The following ATP2C1 variants were observed in gnomAD, a reference collection of about 807,000 sequenced individuals.
ATP2C1 encodes calcium-transporting ATPase type 2C member 1.
In ATP2C1, 31 loss-of-function variants were observed where a neutral mutation model predicts 120.5. That is an observed-to-expected ratio of 0.26 (90% CI 0.19 to 0.35). The LOEUF (loss-of-function observed/expected upper bound fraction) is 0.35. Among genes scored for constraint, ATP2C1 ranks in the 10% least tolerant of loss-of-function variants. The pLI is 1.00. For missense variants in ATP2C1, 731 were observed against 1,107.5 expected (o/e 0.66, Z 4.83); for synonymous variants, 351 against 358.7 (o/e 0.98, Z 0.24).
rs544346771 is a variant in ATP2C1 at position 130,976,571 on chromosome 3, A to G, written c.1570+1083A>G. On this transcript the variant is annotated intron_variant, in intron 18 of 27. Coordinates refer to ENST00000510168, the MANE Select transcript of ATP2C1 (RefSeq NM_001378687.1). ...CAAATGGATATTTTGGATGGAAAAA[A>G]ATTTAAAGGAAAACAACTTTTCCTT... Among the ~76,000 whole-genome samples, 48 of 152,256 alleles carry G rather than the reference A, an allele frequency of 3.2e-4. 1 individual carries two copies. Among genetic ancestry groups the G allele is most frequent in the African/African-American group, 1.1e-3 (46 of 41,544 alleles).
intron 26 of ATP2C1, among the ~76,000 whole-genome samples, chr3:131,011,849 G>T (rs2063327447): frequency 1.3e-5 from 2 of 152,286 alleles, no homozygotes; most frequent in South Asian, 2.1e-4. Context: ...TCTGCAGGGG[G>T]TTCAGGTGCT....
chr3:130,932,434 A>T (rs1387497020), intron 4 of ATP2C1, among the ~76,000 whole-genome samples: 1 of 152,088 alleles, frequency 6.6e-6, no homozygotes, highest in Non-Finnish European at 1.5e-5. Flanking sequence ...TAGGACTGGC[A>T]ATATTTTTTA....
At chr3:130,957,291 A>G (rs1377165982) in intron 11 of ATP2C1, among the ~76,000 whole-genome samples, 1 of 151,712 alleles carries the variant, frequency 6.6e-6, no homozygotes, top group Non-Finnish European at 1.5e-5. Flanking sequence ...TTATTAAAAC[A>G]TTGTTGTATA....
intron 2 of ATP2C1, among the ~76,000 whole-genome samples, chr3:130,919,364 A>C (rs936346107): frequency 2.0e-5 from 3 of 151,790 alleles, no homozygotes; most frequent in Non-Finnish European, 4.4e-5. Context: ...AGTTGGGATT[A>C]TAGACGCCCA....
intron 26 of ATP2C1, chr3:131,016,026 A>C: frequency 8.3e-7 from 1 of 1,202,468 alleles, no homozygotes; most frequent in East Asian, 2.6e-5. Context: ...CATTAAGATT[A>C]GTTTTTTTTT....
At chr3:130,900,860 T>C (rs1410382190) in intron 2 of ATP2C1, among the ~76,000 whole-genome samples, 1 of 152,212 alleles carries the variant, frequency 6.6e-6, no homozygotes, top group Non-Finnish European at 1.5e-5. Context: ...TTTATTTGTA[T>C]ATGTTATATA....
chr3:131,013,805 C>A, intron 26 of ATP2C1: 1 of 356,540 alleles, frequency 2.8e-6, no homozygotes, highest in South Asian at 5.6e-5. Flanking sequence ...GACTATATTA[C>A]CATTAACTTG....
intron 10 of ATP2C1, among the ~76,000 whole-genome samples, chr3:130,955,425 T>G (rs2060537808): frequency 1.3e-5 from 2 of 152,230 alleles, no homozygotes; most frequent in African/African-American, 4.8e-5. Flanking sequence ...TTCTATCAAA[T>G]TTTTTCAACT....
At position 130,926,079 on chromosome 3, in the gene ATP2C1, C is replaced by T. The variant is rs149779826; in HGVS notation, c.7-4337C>T. Among the ~76,000 whole-genome samples, 1,329 of 152,286 alleles carry T rather than the reference C, an allele frequency of 8.7e-3. 14 individuals carry two copies. The highest frequency in any genetic ancestry group is 0.027 in the Middle Eastern group (8 of 292). On this transcript the variant is annotated intron_variant, in intron 2 of 27. Coordinates refer to ENST00000510168, the MANE Select transcript of ATP2C1 (RefSeq NM_001378687.1). ...TCCCCCTTGAGAAAGCAAATGGACT[C>T]ATAGTTTTTAGGCCTCCCAGAGAAC... is the stretch of plus-strand genomic sequence containing the variant.
intron 1 of ATP2C1, chr3:130,868,129 C>T (rs1280722071): frequency 4.9e-5 from 7 of 143,126 alleles, no homozygotes; most frequent in Non-Finnish European, 1.1e-4. Flanking sequence ...TGGGGGGGCT[C>T]AGCCCCCCGC....
chr3:130,929,730 A>G (rs983902451), intron 2 of ATP2C1: 8 of 154,102 alleles, frequency 5.2e-5, no homozygotes, highest in African/African-American at 1.9e-4. Flanking sequence ...TGTGTTAAAC[A>G]GTTTTCTGTA....
At chr3:130,917,706 A>G (rs902033964) in intron 2 of ATP2C1, among the ~76,000 whole-genome samples, 1 of 152,220 alleles carries the variant, frequency 6.6e-6, no homozygotes, top group Admixed American at 6.5e-5. Flanking sequence ...TAAAGTATAC[A>G]TTATTGTTGG....
downstream of ATP2C1, among the ~76,000 whole-genome samples, chr3:131,004,259 C>G (rs1399332439): frequency 6.6e-6 from 1 of 152,234 alleles, no homozygotes; most frequent in Non-Finnish European, 1.5e-5. Context: ...CTCCTGCAAT[C>G]CAAACAGCAG....
Position 130,930,419 on chromosome 3 carries a change from G to A in ATP2C1, c.10G>A (p.Ala4Thr). ...TTTCTTTGGTTTTACTTCCTAGGTTGCACGTTTTCAAAAAATACCTAATGG... is the reference window on the plus strand; with the variant it reads ...TTTCTTTGGTTTTACTTCCTAGGTTACACGTTTTCAAAAAATACCTAATGG... MKV[A>T]RFQKIPNGEN... The change falls in exon 3 of 28, where the codon GCA becomes ACA. Residue 4 changes from alanine (A) to threonine (T), a missense_variant. Ala to Thr is a moderately conservative substitution (Grantham distance 58). Transcript: ENST00000510168. The A allele has an allele frequency of 6.3e-7, 1 of 1,597,716 alleles. No homozygotes were observed.
Position 130,930,509 on chromosome 3 carries a change from G to A in ATP2C1, c.100G>A (p.Val34Ile). The A allele has an allele frequency of 6.2e-7, 1 of 1,609,790 alleles. No individual in the cohort carries two copies. ...KKASELPVSE[V>I]ASILQADLQN... ...AGCAAGTGAATTACCAGTCAGTGAA[G>A]TTGCAAGCATTCTCCAAGTAAGTGG... is the stretch of plus-strand genomic sequence containing the variant. Residue 34 changes from valine (V) to isoleucine (I), a missense_variant, in exon 3 of 28, where the codon GTT becomes ATT. This residue lies in a region of ATP2C1 where 571 missense variants were observed against 845.9 expected (regional missense o/e 0.67). Transcript: ENST00000510168.
intron 18 of ATP2C1, among the ~76,000 whole-genome samples, chr3:130,978,999 C>T (rs2061642453): frequency 6.6e-6 from 1 of 152,106 alleles, no homozygotes; most frequent in Non-Finnish European, 1.5e-5. Flanking sequence ...CATTTTCTGT[C>T]TCTTGCCTAC....
At chr3:130,881,623 A>G (rs1436026946) in intron 1 of ATP2C1, among the ~76,000 whole-genome samples, 2 of 152,232 alleles carry the variant, frequency 1.3e-5, no homozygotes, top group Non-Finnish European at 2.9e-5. Context: ...TAGAGATTGC[A>G]TTCAATCAGT....
intron 1 of ATP2C1, among the ~76,000 whole-genome samples, chr3:130,872,479 A>G (rs1321113116): frequency 6.6e-6 from 1 of 152,072 alleles, no homozygotes; most frequent in Non-Finnish European, 1.5e-5. Context: ...TAAAATGCCT[A>G]TCTGTGATTA....
chr3:130,903,943 A>T (rs2058001416), intron 2 of ATP2C1, among the ~76,000 whole-genome samples: 1 of 152,012 alleles, frequency 6.6e-6, no homozygotes, highest in Non-Finnish European at 1.5e-5. Flanking sequence ...ATGGAGTATT[A>T]TGCCCACTTT....
Sources: gnomAD v4.1 joint callset for allele counts (sites outside exome capture counted in the v4.1 genomes callset) on GRCh38, gnomAD v4.1.1 for gene constraint, gnomAD v4.1.1 regional missense constraint, MANE v1.5 for transcripts, NCBI Gene and HGNC (gene_info 2026-07-23, HGNC 2026-07-21) for gene names.